Variants in GTPBP6 observed in about 807,000 individuals in gnomAD.
GTPBP6 encodes GTP binding protein 6.
A neutral mutation model predicts 28.9 loss-of-function variants in GTPBP6; 33 were observed. The observed-to-expected ratio is 1.14, with a 90% CI of 0.87 to 1.53. The LOEUF is 1.53. Among genes scored for constraint, GTPBP6 ranks in the 40% most tolerant of loss-of-function variants. The pLI is 0.00. For synonymous variants in GTPBP6, 231 were observed against 192.7 expected (o/e 1.20, Z -1.65); for missense variants, 507 against 408.3 (o/e 1.24, Z -2.08).
At chrX:312,832 G>A (rs1421978659) in exon 6 of GTPBP6, 21 of 1,612,714 alleles carry the variant, frequency 1.3e-5, no homozygotes, top group Non-Finnish European at 1.8e-5. Flanking sequence ...CGGCGGAGCA[G>A]GTGCCTCTTC....
At chrX:315,438 G>A (rs1439910914) in intron 2 of GTPBP6, 139 bp from the exon 3 acceptor site, 35 of 398,140 alleles carry the variant, frequency 8.8e-5, no homozygotes, top group South Asian at 3.9e-4. Flanking sequence ...CACGAGACCC[G>A]GGATCCAGGA....
intron 7 of GTPBP6, among the ~76,000 whole-genome samples, chrX:310,328 G>A (rs1275301234): frequency 7.3e-6 from 1 of 137,888 alleles, no homozygotes; most frequent in African/African-American, 2.9e-5. Flanking sequence ...GGCAGAGACT[G>A]GAGTGATGCG....
intron 9 of GTPBP6, 86 bp from the exon 10 acceptor site, chrX:305,283 G>T: frequency 2.8e-6 from 3 of 1,071,160 alleles, no homozygotes; most frequent in Non-Finnish European, 4.3e-6. Context: ...GCTAAAAAGA[G>T]CTTAGCTCAA....
At chrX:314,324 G>A (rs2070383488) in intron 4 of GTPBP6, 107 bp from the exon 5 acceptor site, 2 of 921,120 alleles carry the variant, frequency 2.2e-6, no homozygotes, top group Middle Eastern at 2.7e-4. Context: ...TGGGCCGAAG[G>A]GAGGAGCCGC....
intron 3 of GTPBP6, 42 bp from the exon 4 acceptor site, chrX:315,062 C>A: frequency 2.5e-6 from 1 of 398,748 alleles, no homozygotes; most frequent in African/African-American, 2.1e-5. Context: ...GGGGGAAGGC[C>A]GGGCCCTGGT....
At chrX:316,971 T>C (rs2070450517) in exon 2 of GTPBP6, 2 of 398,688 alleles carry the variant, frequency 5.0e-6, no homozygotes, top group Non-Finnish European at 8.8e-6. Flanking sequence ...GGCGTTTTGG[T>C]GGACACGACC....
chrX:314,338 T>A (rs1216290958), intron 4 of GTPBP6, 121 bp from the exon 5 acceptor site: 2 of 815,522 alleles, frequency 2.5e-6, no homozygotes, highest in Non-Finnish European at 4.3e-6. Flanking sequence ...GAGCCGCTGT[T>A]GCGGCCCCGC....
rs1450548169 is a variant in GTPBP6, at chrX:311,278, G to T, written c.1125+141C>A. ...TGGGTGTCCGAGGGCCTGGCCCCTG[G>T]GCTGAGTGGGTGTCCGAGGGCCCGG... On this transcript the variant is annotated intron_variant, in intron 7 of 9. Transcript: ENST00000326153. 3,317 of 295,016 alleles carry T rather than the reference G, an allele frequency of 0.011. 281 individuals are homozygous for T. In the African/African-American group the frequency reaches 0.12, roughly 11 times the overall value. 18.3% of individuals were successfully genotyped at this position (295,016 alleles called of 1,614,324 possible).
At chrX:314,979 G>A in exon 4 of GTPBP6, 1 of 398,730 alleles carries the variant, frequency 2.5e-6, no homozygotes, top group Non-Finnish European at 4.4e-6. Context: ...CGACCGTGAA[G>A]CGGTCAAACA....
intron 6 of GTPBP6, chrX:311,855 A>G (rs935556883): frequency 4.1e-6 from 1 of 243,292 alleles, no homozygotes; most frequent in Admixed American, 1.2e-4. Flanking sequence ...GACACGGGGG[A>G]GATGGTGGTG....
intron 4 of GTPBP6, among the ~76,000 whole-genome samples, chrX:314,659 G>A (rs2070394590): frequency 1.3e-5 from 2 of 151,944 alleles, no homozygotes. Context: ...TGTATTTTTA[G>A]TACAGACGGG....
exon 10 of GTPBP6, chrX:304,771 T>A: frequency 7.9e-7 from 1 of 1,271,042 alleles, no homozygotes. Context: ...AAATCAAAGG[T>A]TTAATGTCCT....
intron 1 of GTPBP6, among the ~76,000 whole-genome samples, chrX:317,418 A>T (rs1286465915): frequency 2.0e-5 from 3 of 152,030 alleles, no homozygotes; most frequent in Non-Finnish European, 4.4e-5. Context: ...TCGGGGCTTC[A>T]TCTGTTCCAG....
chrX:315,571 C>G (rs1376430863), intron 2 of GTPBP6, among the ~76,000 whole-genome samples: 1 of 133,482 alleles, frequency 7.5e-6, no homozygotes. Context: ...CACACACACA[C>G]ACACACACAC....
Position 311,244 on chromosome X carries a change from C to T in GTPBP6, c.1125+175G>A, listed in dbSNP as rs1294973797. 4.5e-5 allele frequency among the ~76,000 whole-genome samples: 5 copies of T among 111,370 alleles called. No homozygotes were observed. In the East Asian group the frequency reaches 8.5e-4, roughly 19 times the overall value. 73.1% of individuals were successfully genotyped at this position (111,370 alleles called of 152,430 possible). A position where few individuals can be genotyped will look rare whatever the true frequency, so the allele number is the denominator to read the frequency against. ...TGTGTGTGTCTGAGTGCCTGGTCCC[C>T]GTGCCCAGTGGGTGTCCGAGGGCCT... On this transcript the variant is annotated intron_variant, in intron 7 of 9. Transcript: ENST00000326153.
rs189600193 is a variant in GTPBP6, at chrX:314,055, C to T, written c.757+95G>A. 4.4e-3 allele frequency: 4,193 copies of T among 962,854 alleles called. 21 individuals are homozygous for T. Among genetic ancestry groups the T allele is most frequent in the Non-Finnish European group, 5.2e-3 (3,113 of 601,522 alleles). The allele number at this position is 962,854 out of a possible 1,614,324, so 59.6% of individuals were successfully genotyped here. A position where few individuals can be genotyped will look rare whatever the true frequency, so the allele number is the denominator to read the frequency against. On this transcript the variant is annotated intron_variant, in intron 5 of 9. Transcript: ENST00000326153. Reference sequence around the variant, plus strand: ...GGAGACGGAGACCCCAGCTGGACCCCACCCTGTTGGAATCTTCCAGGGCTG... The same window carrying T: ...GGAGACGGAGACCCCAGCTGGACCCTACCCTGTTGGAATCTTCCAGGGCTG...
Position 312,897 on chromosome X carries a change from C to T in GTPBP6, c.785G>A (p.Arg262His), listed in dbSNP as rs141266318. The T allele has an allele frequency of 3.5e-3, 5,658 of 1,612,502 alleles. 150 individuals carry two copies. The African/African-American group carries it at 0.067, about 19-fold the overall frequency. ...CTTGGCCTCCTTCTCTCTCAGGAGA[C>T]GCTGCTGCAGCTGCATGAAGGATTC... The change falls in exon 6 of 10, where the codon CGT (arginine) becomes CAT (histidine). Residue 262 changes from arginine to histidine, a missense_variant. Arg to His is a conservative substitution (Grantham distance 29). Transcript: ENST00000326153.
intron 1 of GTPBP6, among the ~76,000 whole-genome samples, chrX:318,212 A>G (rs2070476105): frequency 7.1e-6 from 1 of 141,470 alleles, no homozygotes; most frequent in African/African-American, 2.7e-5. Flanking sequence ...GATTCTCCCG[A>G]GTCCCGCCCC....
chrX:307,413 C>T (rs760271210), exon 9 of GTPBP6: 17 of 1,612,616 alleles, frequency 1.1e-5, no homozygotes, highest in East Asian at 4.5e-5. Flanking sequence ...GTCTCCCCGT[C>T]GCCTTCAAAA....
Sources: gnomAD v4.1 joint callset for allele counts (sites outside exome capture counted in the v4.1 genomes callset) on GRCh38, gnomAD v4.1.1 for gene constraint, MANE v1.5 for transcripts, NCBI Gene and HGNC (gene_info 2026-07-23, HGNC 2026-07-21) for gene names.